Variants in DLG1 observed in about 807,000 individuals in gnomAD.
The protein encoded by DLG1 is disks large homolog 1.
In DLG1, 42 loss-of-function variants were observed where a neutral mutation model predicts 123.4. The ratio of observed to expected loss-of-function variants is 0.34; its 90% CI spans 0.27 to 0.44. The LOEUF (loss-of-function observed/expected upper bound fraction) is 0.44. DLG1 is among the 20% of genes least tolerant of loss of function. The probability of loss-of-function intolerance (pLI) is 1.00; values close to 1 mark genes in which losing one functional copy is unlikely to be tolerated. For missense variants in DLG1, 942 were observed against 1,082.6 expected (o/e 0.87, Z 1.82); for synonymous variants, 317 against 356.2 (o/e 0.89, Z 1.24).
chr3:197,089,752 A>G (rs771678051), intron 15 of DLG1, among the ~76,000 whole-genome samples: 2 of 152,152 alleles, frequency 1.3e-5, no homozygotes, highest in Non-Finnish European at 2.9e-5. Context: ...AGAGAGTAGA[A>G]AAATCCATGT....
intron 10 of DLG1, among the ~76,000 whole-genome samples, chr3:197,132,591 G>A (rs1027474357): frequency 1.3e-5 from 2 of 151,390 alleles, no homozygotes; most frequent in African/African-American, 4.9e-5. Context: ...AATAGCTGTG[G>A]CATACTGCTG....
intron 4 of DLG1, among the ~76,000 whole-genome samples, chr3:197,273,466 G>C (rs1158394533): frequency 6.6e-6 from 1 of 151,978 alleles, no homozygotes; most frequent in Non-Finnish European, 1.5e-5. Context: ...TCGAACTCCT[G>C]ACCTCAAGTG....
At chr3:197,243,351 AG>A (rs1160384759) in intron 4 of DLG1, among the ~76,000 whole-genome samples, 1 of 152,192 alleles carries the variant, frequency 6.6e-6, no homozygotes, top group Admixed American at 6.5e-5. Context: ...ACAAAGGAAA[AG>A]GGGGGTGAAA....
At chr3:197,121,912 G>C (rs1776630352) in intron 11 of DLG1, among the ~76,000 whole-genome samples, 1 of 150,838 alleles carries the variant, frequency 6.6e-6, no homozygotes, top group African/African-American at 2.4e-5. Context: ...GTCTGCTAAG[G>C]AAAATGCATT....
chr3:197,049,277 C>T (rs1158302468), intron 24 of DLG1, among the ~76,000 whole-genome samples: 4 of 152,000 alleles, frequency 2.6e-5, no homozygotes, highest in Admixed American at 1.3e-4. Flanking sequence ...AGATCACACC[C>T]GCATTCCAGC....
At chr3:197,163,137 G>A (rs576261795) in intron 5 of DLG1, among the ~76,000 whole-genome samples, 1 of 152,270 alleles carries the variant, frequency 6.6e-6, no homozygotes, top group East Asian at 1.9e-4. Flanking sequence ...ACAAATAAAA[G>A]CTATAATGAG....
chr3:197,183,474 TCAAGGC>T (rs746793800), intron 5 of DLG1: 265 of 1,085,496 alleles, frequency 2.4e-4, no homozygotes, highest in Non-Finnish European at 3.2e-4. Flanking sequence ...ATCCAAGGTT[TCAAGGC>T]TATTCTTTAA....
intron 10 of DLG1, among the ~76,000 whole-genome samples, chr3:197,132,625 C>T (rs540755721): frequency 1.9e-4 from 27 of 139,332 alleles, no homozygotes; most frequent in Middle Eastern, 4.0e-3. Context: ...ATAGCTGTGG[C>T]ATACTGCTGA....
At chr3:197,064,176 T>C (rs1737848060) in intron 22 of DLG1, among the ~76,000 whole-genome samples, 1 of 151,856 alleles carries the variant, frequency 6.6e-6, no homozygotes, top group Admixed American at 6.6e-5. Context: ...CACCTCAGCC[T>C]TCCACTGTGC....
At chr3:197,223,284 C>T (rs1738113535) in intron 4 of DLG1, among the ~76,000 whole-genome samples, 1 of 152,114 alleles carries the variant, frequency 6.6e-6, no homozygotes, top group Non-Finnish European at 1.5e-5. Context: ...GCTGATACTG[C>T]TCCAATTATA....
chr3:197,262,485 G>A (rs1476303994), intron 4 of DLG1, among the ~76,000 whole-genome samples: 1 of 152,134 alleles, frequency 6.6e-6, no homozygotes, highest in African/African-American at 2.4e-5. Flanking sequence ...AGTTCTGTAA[G>A]CCATCCTAGC....
intron 24 of DLG1, among the ~76,000 whole-genome samples, chr3:197,048,648 AATT>A (rs1230370926): frequency 2.0e-5 from 3 of 152,194 alleles, no homozygotes; most frequent in South Asian, 4.2e-4. Context: ...TTCCTCAAGA[AATT>A]ATTATTACTA....
At chr3:197,145,355 GT>G (rs1356509053) in intron 6 of DLG1, among the ~76,000 whole-genome samples, 1 of 152,032 alleles carries the variant, frequency 6.6e-6, no homozygotes, top group Non-Finnish European at 1.5e-5. Flanking sequence ...ATTACTTTCT[GT>G]TTTTAACAGT....
intron 5 of DLG1, among the ~76,000 whole-genome samples, chr3:197,178,453 G>A (rs1290123458): frequency 6.6e-6 from 1 of 152,114 alleles, no homozygotes; most frequent in African/African-American, 2.4e-5. Context: ...TTTTTAATAT[G>A]TTACCTTTCA....
chr3:197,242,580 C>T (rs902021581), intron 4 of DLG1, among the ~76,000 whole-genome samples: 1 of 151,678 alleles, frequency 6.6e-6, no homozygotes, highest in Admixed American at 6.6e-5. Context: ...GAAATCATAT[C>T]AAATATCTTT....
intron 5 of DLG1, among the ~76,000 whole-genome samples, chr3:197,169,779 T>G (rs1046387588): frequency 6.6e-6 from 1 of 152,162 alleles, no homozygotes; most frequent in Non-Finnish European, 1.5e-5. Flanking sequence ...TTATTTTAAG[T>G]TCAGGGGTAC....
At chr3:197,258,552 A>T (rs545102545) in intron 4 of DLG1, among the ~76,000 whole-genome samples, 1 of 152,208 alleles carries the variant, frequency 6.6e-6, no homozygotes, top group Non-Finnish European at 1.5e-5. Flanking sequence ...GTGCCTACAC[A>T]AGTGGGAGAG....
intron 6 of DLG1, among the ~76,000 whole-genome samples, chr3:197,148,733 TAACTC>T (rs1258882912): frequency 6.6e-6 from 1 of 152,132 alleles, no homozygotes; most frequent in Non-Finnish European, 1.5e-5. Flanking sequence ...GAAGAAAACT[TAACTC>T]TAAGTCTTTG....
intron 18 of DLG1, among the ~76,000 whole-genome samples, chr3:197,074,370 G>A (rs1204467892): frequency 2.0e-5 from 3 of 151,978 alleles, no homozygotes; most frequent in African/African-American, 7.2e-5. Context: ...CTCTTCCAAA[G>A]TCTCAATCTT....
Sources: allele counts gnomAD v4.1 joint callset (sites outside exome capture counted in the v4.1 genomes callset), GRCh38; gene constraint gnomAD v4.1.1; transcripts MANE v1.5; gene names NCBI Gene and HGNC (gene_info 2026-07-23, HGNC 2026-07-21).